AUTS2: variants seen among roughly 807,000 people sequenced by gnomAD.
The protein encoded by AUTS2 is autism susceptibility gene 2 protein.
AUTS2 carries 17 observed loss-of-function variants against 112.4 expected under a neutral mutation model. The ratio of observed to expected loss-of-function variants is 0.15; its 90% CI spans 0.10 to 0.23. The LOEUF (loss-of-function observed/expected upper bound fraction) is 0.23, where lower values mean the gene tolerates loss of function less well. AUTS2 is among the 10% of genes least tolerant of loss of function. The pLI is 1.00. For synonymous variants in AUTS2, 751 were observed against 702.7 expected (o/e 1.07, Z -1.09); for missense variants, 1,510 against 1,701.6 (o/e 0.89, Z 1.98).
At chr7:70,068,845 T>C (rs1425046600) in intron 2 of AUTS2, among the ~76,000 whole-genome samples, 1 of 152,196 alleles carries the variant, frequency 6.6e-6, no homozygotes, top group Non-Finnish European at 1.5e-5. Flanking sequence ...GATCACTTGT[T>C]TTGCCTTGGG....
intron 5 of AUTS2, among the ~76,000 whole-genome samples, chr7:70,595,740 T>G (rs1803165165): frequency 6.6e-6 from 1 of 152,188 alleles, no homozygotes. Flanking sequence ...GTAAATGGCT[T>G]GAGCCCATTG....
At chr7:70,767,825 T>G (rs1374032084) in intron 9 of AUTS2, among the ~76,000 whole-genome samples, 199 bp from the exon 10 acceptor site, 1 of 152,214 alleles carries the variant, frequency 6.6e-6, no homozygotes, top group South Asian at 2.1e-4. Context: ...AACGTACCAC[T>G]TGGTTTTTAA....
intron 5 of AUTS2, among the ~76,000 whole-genome samples, chr7:70,453,511 G>T (rs1024512780): frequency 6.6e-6 from 1 of 152,186 alleles, no homozygotes; most frequent in African/African-American, 2.4e-5. Context: ...CAAACTTGGC[G>T]GCTTAAAACA....
intron 1 of AUTS2, among the ~76,000 whole-genome samples, chr7:69,882,337 A>T (rs1318147868): frequency 2.0e-5 from 3 of 152,018 alleles, no homozygotes; most frequent in African/African-American, 7.2e-5. Flanking sequence ...TAATTTTTTT[A>T]AAAAGTGAAA....
At chr7:70,111,970 A>G (rs1258184711) in intron 2 of AUTS2, among the ~76,000 whole-genome samples, 2 of 151,908 alleles carry the variant, frequency 1.3e-5, no homozygotes, top group African/African-American at 2.4e-5. Context: ...TTAATTTCTA[A>G]TGATGTTCTT....
chr7:70,020,029 AAG>A (rs1156888669), intron 2 of AUTS2, among the ~76,000 whole-genome samples: 1 of 152,188 alleles, frequency 6.6e-6, no homozygotes, highest in Non-Finnish European at 1.5e-5. Flanking sequence ...AGAAAGGTAA[AAG>A]AGAATATTAA....
intron 2 of AUTS2, among the ~76,000 whole-genome samples, chr7:69,946,048 T>C (rs1398277230): frequency 2.0e-5 from 3 of 152,158 alleles, no homozygotes; most frequent in African/African-American, 4.8e-5. Flanking sequence ...GGTCACACTA[T>C]ATTGGTTAGG....
intron 4 of AUTS2, among the ~76,000 whole-genome samples, chr7:70,430,888 T>C (rs1213343589): frequency 1.4e-5 from 2 of 138,430 alleles, no homozygotes; most frequent in South Asian, 2.3e-4. Context: ...CAGGCTGGAG[T>C]GCAGTGGCGG....
chr7:69,628,565 C>T (rs1583969439), intron 1 of AUTS2, among the ~76,000 whole-genome samples: 1 of 152,158 alleles, frequency 6.6e-6, no homozygotes, highest in Non-Finnish European at 1.5e-5. Context: ...TTAATTGGCT[C>T]ATCATTCCAC....
intron 4 of AUTS2, among the ~76,000 whole-genome samples, chr7:70,407,476 T>C (rs1181366877): frequency 1.3e-5 from 2 of 152,120 alleles, no homozygotes; most frequent in Non-Finnish European, 2.9e-5. Flanking sequence ...AAAATAAAAA[T>C]CTCAGCATCA....
chr7:69,932,792 C>T (rs1056527381), intron 2 of AUTS2, among the ~76,000 whole-genome samples: 2 of 152,110 alleles, frequency 1.3e-5, no homozygotes, highest in Non-Finnish European at 2.9e-5. Context: ...TATGAGTGTA[C>T]GATAGTGGCT....
chr7:70,299,336 A>G (rs1023063995), intron 4 of AUTS2, among the ~76,000 whole-genome samples: 1 of 152,294 alleles, frequency 6.6e-6, no homozygotes, highest in African/African-American at 2.4e-5. Context: ...ATGATGACTC[A>G]TGCATTAAAC....
At chr7:70,308,607 G>T (rs796211867) in intron 4 of AUTS2, among the ~76,000 whole-genome samples, 8 of 152,266 alleles carry the variant, frequency 5.3e-5, no homozygotes, top group African/African-American at 1.9e-4. Context: ...GTGAAGAGAA[G>T]AATTTAGCCT....
intron 5 of AUTS2, among the ~76,000 whole-genome samples, chr7:70,502,144 G>A (rs1424437871): frequency 1.3e-5 from 2 of 152,184 alleles, no homozygotes; most frequent in African/African-American, 4.8e-5. Flanking sequence ...CCCTGTCATG[G>A]TGACAGCAGT....
At chr7:69,775,146 A>G (rs181752267) in intron 1 of AUTS2, among the ~76,000 whole-genome samples, 14 of 152,290 alleles carry the variant, frequency 9.2e-5, no homozygotes, top group Admixed American at 6.5e-4. Context: ...GTTATAAAAA[A>G]ACTGTATTGT....
At chr7:69,947,466 G>C (rs1327868598) in intron 2 of AUTS2, among the ~76,000 whole-genome samples, 1 of 152,194 alleles carries the variant, frequency 6.6e-6, no homozygotes, top group African/African-American at 2.4e-5. Flanking sequence ...CGTCCAAAGA[G>C]ATTATCTAAA....
At chr7:70,305,579 A>C (rs1037648206) in intron 4 of AUTS2, among the ~76,000 whole-genome samples, 1 of 152,206 alleles carries the variant, frequency 6.6e-6, no homozygotes, top group African/African-American at 2.4e-5. Flanking sequence ...GTAACTCATG[A>C]CAAGTAACAA....
At chr7:70,421,879 G>C (rs1267767268) in intron 4 of AUTS2, among the ~76,000 whole-genome samples, 1 of 152,186 alleles carries the variant, frequency 6.6e-6, no homozygotes, top group African/African-American at 2.4e-5. Flanking sequence ...CTTGAGACTG[G>C]CAAACCAGTG....
chr7:69,659,150 G>A (rs967545193), intron 1 of AUTS2, among the ~76,000 whole-genome samples: 1 of 152,206 alleles, frequency 6.6e-6, no homozygotes, highest in Non-Finnish European at 1.5e-5. Flanking sequence ...GGGCATTGGA[G>A]TATTCAGGAA....
Sources: allele counts gnomAD v4.1 joint callset (sites outside exome capture counted in the v4.1 genomes callset), GRCh38; gene constraint gnomAD v4.1.1; transcripts MANE v1.5; gene names NCBI Gene and HGNC (gene_info 2026-07-23, HGNC 2026-07-21).